TACC2: variants seen among roughly 807,000 people sequenced by gnomAD.
The protein encoded by TACC2 is transforming acidic coiled-coil containing protein 2.
TACC2 carries 137 observed loss-of-function variants against 227.3 expected under a neutral mutation model. That is an observed-to-expected ratio of 0.60 (90% confidence interval 0.52 to 0.69). TACC2 has a LOEUF of 0.69. Ranked by LOEUF, TACC2 falls within the 30% of genes least tolerant of loss-of-function variation. TACC2 has a pLI of 0.00. For synonymous variants in TACC2, 1,523 were observed against 1,487.5 expected (o/e 1.02, Z -0.55); for missense variants, 3,470 against 3,694.4 (o/e 0.94, Z 1.57).
chr10:122,093,281 T>C (rs10788239), intron 5 of TACC2, among the ~76,000 whole-genome samples: 144,129 of 152,172 alleles, frequency 0.95, 68,754 homozygotes, highest in East Asian at 1. Flanking sequence ...GGCCTCCCAT[T>C]AAGGAAGCCC....
At chr10:122,088,771 A>G (rs904641329) in intron 5 of TACC2, 180 bp downstream of exon 5, 13 of 1,526,374 alleles carry the variant, frequency 8.5e-6, no homozygotes, top group Non-Finnish European at 1.1e-5. Flanking sequence ...TAAAAGCTCC[A>G]TTGTTGGAAA....
intron 7 of TACC2, among the ~76,000 whole-genome samples, chr10:122,184,281 C>T (rs868171048): frequency 3.3e-5 from 5 of 152,056 alleles, no homozygotes; most frequent in African/African-American, 9.7e-5. Context: ...AGGGGGTCCC[C>T]GAGGCACCCC....
chr10:122,086,667 A>T lies in TACC2; in HGVS notation c.4167A>T (p.Ser1389=). The change falls in exon 4 of 23, where the codon TCA becomes TCT. Residue 1389 remains serine, a synonymous_variant. Transcript: ENST00000369005. ...EPSQDPKQGT[S]GGVDTSSEQI... ...CCCAGGACCCAAAGCAGGGCACATC[A>T]GGTGGTGTGGACACAAGCTCTGAGC... is the stretch of plus-strand genomic sequence containing the variant. The T allele has an allele frequency of 6.2e-7, 1 of 1,612,008 alleles. No homozygotes were observed. The highest frequency in any genetic ancestry group is 1.1e-5 in the South Asian group (1 of 90,616).
At chr10:122,019,826 C>G (rs999959687) in intron 1 of TACC2, 3 of 152,286 alleles carry the variant, frequency 2.0e-5, no homozygotes, top group Non-Finnish European at 2.9e-5. Flanking sequence ...AGTCCAGTTG[C>G]TGAAGGGCAG....
intron 1 of TACC2, among the ~76,000 whole-genome samples, chr10:122,017,054 G>A (rs1181873222): frequency 6.7e-6 from 1 of 148,530 alleles, no homozygotes; most frequent in African/African-American, 2.5e-5. Context: ...GATCTCGAAC[G>A]TCCAGCCTCC....
intron 2 of TACC2, among the ~76,000 whole-genome samples, chr10:122,031,562 G>A (rs1252664143): frequency 6.8e-6 from 1 of 147,044 alleles, no homozygotes; most frequent in Non-Finnish European, 1.5e-5. Flanking sequence ...CCACCACTGC[G>A]CCCGGCTAAT....
intron 7 of TACC2, among the ~76,000 whole-genome samples, chr10:122,162,714 A>C (rs1214187423): frequency 6.6e-6 from 1 of 152,164 alleles, no homozygotes; most frequent in African/African-American, 2.4e-5. Context: ...GATGGGTGAC[A>C]TGCTGCCAGC....
intron 7 of TACC2, among the ~76,000 whole-genome samples, chr10:122,181,235 C>T (rs916451696): frequency 6.6e-6 from 1 of 152,166 alleles, no homozygotes; most frequent in Non-Finnish European, 1.5e-5. Context: ...TCTGTGTGTG[C>T]ATGTTGGAGG....
intron 1 of TACC2, among the ~76,000 whole-genome samples, chr10:122,000,245 G>A (rs950140318): frequency 1.3e-5 from 2 of 152,284 alleles, no homozygotes; most frequent in East Asian, 3.9e-4. Flanking sequence ...CAGGCTTGGT[G>A]GTGGGTGCCT....
At chr10:122,176,109 C>CTATATATA (rs2093695012) in intron 7 of TACC2, among the ~76,000 whole-genome samples, 1 of 68,072 alleles carries the variant, frequency 1.5e-5, no homozygotes, top group Non-Finnish European at 2.7e-5. Context: ...CTCTCTCTCT[C>CTATATATA]TCTCTCTCTA....
intron 7 of TACC2, among the ~76,000 whole-genome samples, chr10:122,165,454 A>G (rs1204625402): frequency 6.6e-6 from 1 of 152,136 alleles, no homozygotes; most frequent in Non-Finnish European, 1.5e-5. Context: ...GCCGGTCCCT[A>G]ACGTCCCCGC....
chr10:122,237,692 C>T (rs912704325), intron 17 of TACC2, among the ~76,000 whole-genome samples, 154 bp downstream of exon 17: 2 of 152,248 alleles, frequency 1.3e-5, no homozygotes, highest in African/African-American at 2.4e-5. Context: ...TCTTCCTAGA[C>T]GCTATCGTGT....
chr10:122,089,648 A>G (rs2080512373), intron 5 of TACC2, among the ~76,000 whole-genome samples: 1 of 152,268 alleles, frequency 6.6e-6, no homozygotes, highest in African/African-American at 2.4e-5. Flanking sequence ...GTGCACACAT[A>G]TACATGCATA....
intron 8 of TACC2, among the ~76,000 whole-genome samples, chr10:122,199,602 C>T (rs558588093): frequency 1.1e-4 from 17 of 152,312 alleles, no homozygotes; most frequent in African/African-American, 4.1e-4. Flanking sequence ...TTCCTGACAC[C>T]TGCTATGACC....
At chr10:121,998,429 A>G (rs538530555) in intron 1 of TACC2, among the ~76,000 whole-genome samples, 132 of 151,868 alleles carry the variant, frequency 8.7e-4, no homozygotes, top group African/African-American at 3.1e-3. Flanking sequence ...AGCTGTGTTT[A>G]GAAGAGGTGG....
intron 7 of TACC2, chr10:122,164,137 T>TG (rs1324709427): frequency 2.6e-5 from 25 of 959,150 alleles, no homozygotes; most frequent in Non-Finnish European, 3.9e-5. Context: ...AAGCTTTACC[T>TG]GGGGCTGCTC....
intron 22 of TACC2, among the ~76,000 whole-genome samples, chr10:122,253,563 G>A (rs970683133): frequency 3.1e-4 from 47 of 151,986 alleles, no homozygotes; most frequent in African/African-American, 1.1e-3. Context: ...GTAGAACTGC[G>A]TAACCCTCCT....
intron 6 of TACC2, among the ~76,000 whole-genome samples, chr10:122,135,995 C>T (rs928153087): frequency 2.6e-5 from 4 of 152,172 alleles, no homozygotes; most frequent in Non-Finnish European, 4.4e-5. Context: ...AGAGAAGCTT[C>T]CTCCCGGCAT....
At chr10:122,094,213 G>A (rs142854658) in intron 5 of TACC2, among the ~76,000 whole-genome samples, 124 of 152,296 alleles carry the variant, frequency 8.1e-4, no homozygotes, top group African/African-American at 2.9e-3. Flanking sequence ...TGAAGCATCT[G>A]TGTTTCATAA....
Sources: gnomAD v4.1 joint callset for allele counts (sites outside exome capture counted in the v4.1 genomes callset) on GRCh38, gnomAD v4.1.1 for gene constraint, MANE v1.5 for transcripts, NCBI Gene and HGNC (gene_info 2026-07-23, HGNC 2026-07-21) for gene names.